The following TULP3 variants were observed in gnomAD, a reference collection of about 807,000 sequenced individuals.
The protein encoded by TULP3 is TUB like protein 3.
In TULP3, 38 loss-of-function variants were observed where a neutral mutation model predicts 50.7. The ratio of observed to expected loss-of-function variants is 0.75; its 90% CI spans 0.58 to 0.98. The LOEUF (loss-of-function observed/expected upper bound fraction) is 0.98. TULP3 is among the 50% of genes least tolerant of loss of function. The pLI, the probability that TULP3 is intolerant of heterozygous loss-of-function variation, is 0.00. For synonymous variants in TULP3, 183 were observed against 196.6 expected (o/e 0.93, Z 0.58); for missense variants, 550 against 568.0 (o/e 0.97, Z 0.32).
rs1206270500 is a variant in TULP3 at position 2,940,660 on chromosome 12, C to T, written c.*1216C>T. 2.1e-5 allele frequency: 33 copies of T among 1,551,626 alleles called. No individual in the cohort carries two copies. Among genetic ancestry groups the T allele is most frequent in the Non-Finnish European group, 2.2e-5 (25 of 1,147,008 alleles). On this transcript the variant is annotated 3_prime_UTR_variant, in exon 11 of 11. Transcript: ENST00000448120. ...ACCCGTGGCGGCTGCTCCCTCAGACCTCCCTTCTGTGGACTGACCTCTCAC... is the reference window on the plus strand; with the variant it reads ...ACCCGTGGCGGCTGCTCCCTCAGACTTCCCTTCTGTGGACTGACCTCTCAC...
chr12:2,918,787 G>A (rs1172576314), intron 2 of TULP3, among the ~76,000 whole-genome samples: 4 of 151,906 alleles, frequency 2.6e-5, no homozygotes, highest in South Asian at 2.1e-4. Flanking sequence ...TGATCCGTCC[G>A]CCTCAGCCTC....
chr12:2,895,002 C>G (rs1443217751), intron 1 of TULP3, among the ~76,000 whole-genome samples: 1 of 152,092 alleles, frequency 6.6e-6, no homozygotes, highest in Non-Finnish European at 1.5e-5. Flanking sequence ...AAAGTTAAAA[C>G]GAACTTAAGT....
intron 1 of TULP3, among the ~76,000 whole-genome samples, chr12:2,905,040 G>A (rs1371064899): frequency 6.1e-5 from 9 of 148,200 alleles, no homozygotes; most frequent in South Asian, 2.1e-4. Context: ...AGCTGAGATC[G>A]TGCCACTGCA....
chr12:2,893,344 T>TTTC (rs1555110457), intron 1 of TULP3, among the ~76,000 whole-genome samples: 2 of 151,114 alleles, frequency 1.3e-5, no homozygotes, highest in Admixed American at 6.6e-5. Context: ...TTTTTTTTTT[T>TTTC]CCAAACGGAG....
At chr12:2,898,435 G>A (rs1454061481) in intron 1 of TULP3, among the ~76,000 whole-genome samples, 2 of 152,064 alleles carry the variant, frequency 1.3e-5, no homozygotes, top group South Asian at 2.1e-4. Context: ...TAGCAGCGGG[G>A]ACTATAGGCA....
intron 1 of TULP3, among the ~76,000 whole-genome samples, chr12:2,894,565 A>ACG (rs1324219486): frequency 7.5e-6 from 1 of 133,380 alleles, no homozygotes; most frequent in Non-Finnish European, 1.7e-5. Context: ...ACACACACAC[A>ACG]CGCACGCACA....
intron 1 of TULP3, among the ~76,000 whole-genome samples, chr12:2,894,566 C>T (rs2098174341): frequency 6.7e-6 from 1 of 149,542 alleles, no homozygotes; most frequent in South Asian, 2.1e-4. Context: ...CACACACACA[C>T]GCACGCACAC....
intron 3 of TULP3, among the ~76,000 whole-genome samples, chr12:2,921,162 G>A (rs2098191462): frequency 1.3e-5 from 2 of 151,972 alleles, no homozygotes; most frequent in African/African-American, 4.8e-5. Context: ...TTTTGAGACG[G>A]AGTTTTGCTT....
chr12:2,925,059 T>C (rs1181147689), intron 4 of TULP3, among the ~76,000 whole-genome samples: 1 of 151,546 alleles, frequency 6.6e-6, no homozygotes, highest in African/African-American at 2.4e-5. Context: ...TCCCAGCTAC[T>C]CGGGAGGTTG....
At chr12:2,926,933 T>C (rs2098195026) in intron 4 of TULP3, among the ~76,000 whole-genome samples, 1 of 152,128 alleles carries the variant, frequency 6.6e-6, no homozygotes, top group East Asian at 1.9e-4. Context: ...TAAATTGGTT[T>C]TCAGTACAGA....
At chr12:2,913,093 C>A (rs1056946933) in intron 2 of TULP3, among the ~76,000 whole-genome samples, 2 of 151,248 alleles carry the variant, frequency 1.3e-5, no homozygotes, top group Non-Finnish European at 2.9e-5. Context: ...ACATTCTTAC[C>A]AACACTTGTT....
chr12:2,934,517 G>A lies in TULP3; in HGVS notation c.880G>A (p.Val294Ile), dbSNP rs1222704398. The A allele has an allele frequency of 3.1e-6, 5 of 1,604,794 alleles. No homozygotes were observed. The highest frequency in any genetic ancestry group is 2.6e-6 in the Non-Finnish European group (3 of 1,176,092). ...GICPMKGRGL[V>I]GAAHTRQELA... The stretch of plus-strand genomic sequence containing the variant: ...CTGCCCCATGAAGGGCCGGGGTTTG[G>A]TAGGAGCGGCCCACACCCGGCAGGA... The change falls in exon 8 of 11, where the codon GTA becomes ATA. Residue 294 changes from valine to isoleucine, a missense_variant. Val to Ile is a conservative substitution (Grantham distance 29). Transcript: ENST00000448120.
chr12:2,894,302 G>GGGGCGC (rs1565494887), intron 1 of TULP3, among the ~76,000 whole-genome samples: 4 of 38,080 alleles, frequency 1.1e-4, no homozygotes, highest in Admixed American at 3.7e-4. Flanking sequence ...GGGCGGGGCG[G>GGGGCGC]GGGGGGGGAA....
At chr12:2,911,555 T>C (rs953378145) in intron 2 of TULP3, among the ~76,000 whole-genome samples, 2 of 150,726 alleles carry the variant, frequency 1.3e-5, no homozygotes, top group Non-Finnish European at 3.0e-5. Context: ...TTACTAGAGA[T>C]GGGGTTTCAC....
intron 1 of TULP3, among the ~76,000 whole-genome samples, chr12:2,895,340 G>T (rs1317201026): frequency 6.6e-6 from 1 of 152,264 alleles, no homozygotes; most frequent in East Asian, 1.9e-4. Flanking sequence ...CTTCAATTAA[G>T]TTAGCTCCAG....
At chr12:2,899,899 A>C (rs970296925) in intron 1 of TULP3, among the ~76,000 whole-genome samples, 20 of 47,532 alleles carry the variant, frequency 4.2e-4, no homozygotes, top group East Asian at 1.7e-3. Flanking sequence ...TCTCAAAAAA[A>C]AAACAAACAA....
At position 2,920,346 on chromosome 12, in the gene TULP3, C is replaced by G. The variant is rs193252119; in HGVS notation, c.94-417C>G. Among the ~76,000 whole-genome samples, 23 of 151,948 alleles carry G rather than the reference C, an allele frequency of 1.5e-4. No individual in the cohort carries two copies. The East Asian group carries it at 4.5e-3, about 30-fold the overall frequency. On this transcript the variant is annotated intron_variant, in intron 2 of 10. Transcript: ENST00000448120. ...GCAATGTCGGGAAACCCTGTCTCTA[C>G]AAAAATACAAAAAATAGCTGGGCAT...
chr12:2,930,985 A>G (rs1398312177), intron 5 of TULP3, 52 bp from the exon 6 acceptor site: 3 of 1,594,138 alleles, frequency 1.9e-6, no homozygotes, highest in South Asian at 1.1e-5. Flanking sequence ...TTCAAAGAGA[A>G]TCAGATTTTG....
chr12:2,903,673 A>G (rs2098180535), intron 1 of TULP3, among the ~76,000 whole-genome samples: 1 of 152,226 alleles, frequency 6.6e-6, no homozygotes, highest in Non-Finnish European at 1.5e-5. Context: ...TATTTTTTAT[A>G]CCTGATTTTA....
Sources: gnomAD v4.1 joint callset for allele counts (sites outside exome capture counted in the v4.1 genomes callset) on GRCh38, gnomAD v4.1.1 for gene constraint, MANE v1.5 for transcripts, NCBI Gene and HGNC (gene_info 2026-07-23, HGNC 2026-07-21) for gene names.